The following ARHGEF3 variants were observed in gnomAD, a reference collection of about 807,000 sequenced individuals.
ARHGEF3 encodes Rho guanine nucleotide exchange factor 3, also known as 59.8 kDA protein.
In ARHGEF3, 28 loss-of-function variants were observed where a neutral mutation model predicts 63.2. That is an observed-to-expected ratio of 0.44 (90% CI 0.33 to 0.61). The LOEUF (loss-of-function observed/expected upper bound fraction) is 0.61, where lower values mean the gene tolerates loss of function less well. ARHGEF3 is among the 20% of genes least tolerant of loss of function. The probability of loss-of-function intolerance (pLI) is 0.03; values close to 1 mark genes in which losing one functional copy is unlikely to be tolerated. For synonymous variants in ARHGEF3, 266 were observed against 254.2 expected (o/e 1.05, Z -0.44); for missense variants, 533 against 659.3 (o/e 0.81, Z 2.10).
chr3:57,066,503 T>G (rs1705546489), intron 1 of ARHGEF3, among the ~76,000 whole-genome samples: 1 of 152,216 alleles, frequency 6.6e-6, no homozygotes, highest in South Asian at 2.1e-4. Context: ...CCTCAAGTGA[T>G]CCATCCGCCT....
intron 2 of ARHGEF3, among the ~76,000 whole-genome samples, chr3:56,987,576 T>C (rs1332622687): frequency 6.6e-6 from 1 of 152,156 alleles, no homozygotes; most frequent in Non-Finnish European, 1.5e-5. Flanking sequence ...GGCATGCCCT[T>C]AGCTAAGAGC....
At chr3:56,900,519 A>G (rs1212179983) in intron 3 of ARHGEF3, among the ~76,000 whole-genome samples, 1 of 152,000 alleles carries the variant, frequency 6.6e-6, no homozygotes, top group East Asian at 1.9e-4. Flanking sequence ...AGTCCCAGCT[A>G]CTCTGGAGGC....
intron 2 of ARHGEF3, among the ~76,000 whole-genome samples, chr3:56,761,566 G>A (rs1220546297): frequency 1.3e-5 from 2 of 152,142 alleles, no homozygotes; most frequent in South Asian, 2.1e-4. Context: ...ATTCACTGAT[G>A]GATTCATCAG....
intron 1 of ARHGEF3, among the ~76,000 whole-genome samples, chr3:57,071,684 T>G (rs1005335156): frequency 6.6e-6 from 1 of 150,736 alleles, no homozygotes; most frequent in Non-Finnish European, 1.5e-5. Flanking sequence ...AAATATGCCT[T>G]AGGCATAAGT....
rs77724641 is a variant in ARHGEF3, at chr3:57,073,835, C to G, written c.-28+5391G>C. 220 of 1,614,238 alleles carry G rather than the reference C, an allele frequency of 1.4e-4. 1 individual carries two copies. In the African/African-American group the frequency reaches 2.7e-3, roughly 20 times the overall value. On this transcript the variant is annotated intron_variant, in intron 1 of 12. Transcript: ENST00000338458. The stretch of plus-strand genomic sequence containing the variant: ...CATCCACCCAACATCCCAACAAACC[C>G]CACTGTGCACTGGCATCATGCCAGG...
intron 8 of ARHGEF3, among the ~76,000 whole-genome samples, chr3:56,733,473 AAAAAAAAAAAG>A (rs1339261144): frequency 1.4e-5 from 2 of 143,332 alleles, no homozygotes; most frequent in East Asian, 4.0e-4. Flanking sequence ...AAGACTGTTT[AAAAAAAAAAAG>A]AAAAAAATTC....
At chr3:57,068,189 A>ACC (rs1705677728) in intron 1 of ARHGEF3, among the ~76,000 whole-genome samples, 3 of 150,734 alleles carry the variant, frequency 2.0e-5, no homozygotes, top group Admixed American at 6.6e-5. Flanking sequence ...ACACACACAC[A>ACC]CCAGGTTACC....
chr3:57,044,299 G>A (rs892136669), intron 1 of ARHGEF3, among the ~76,000 whole-genome samples: 1 of 152,226 alleles, frequency 6.6e-6, no homozygotes, highest in African/African-American at 2.4e-5. Flanking sequence ...ACCACCAGCT[G>A]AAGCAATAAA....
At chr3:57,007,457 T>A in intron 2 of ARHGEF3, 6 of 1,010,688 alleles carry the variant, frequency 5.9e-6, no homozygotes, top group Non-Finnish European at 7.9e-6. Flanking sequence ...GTCTTCCAGG[T>A]GAAAACAGGC....
intron 3 of ARHGEF3, among the ~76,000 whole-genome samples, chr3:56,896,707 A>G (rs2041313327): frequency 6.6e-6 from 1 of 152,228 alleles, no homozygotes; most frequent in African/African-American, 2.4e-5. Flanking sequence ...AGGGTTTACT[A>G]GATGTTTTTT....
chr3:56,996,890 A>ATTTTTTTTTT (rs534187681), intron 2 of ARHGEF3, among the ~76,000 whole-genome samples: 1 of 136,506 alleles, frequency 7.3e-6, no homozygotes, highest in African/African-American at 2.7e-5. Flanking sequence ...TATTATTATT[A>ATTTTTTTTTT]TTTTTTTTTT....
intron 7 of ARHGEF3, among the ~76,000 whole-genome samples, chr3:56,740,098 C>A (rs1344984228): frequency 6.6e-6 from 1 of 151,996 alleles, no homozygotes; most frequent in Non-Finnish European, 1.5e-5. Flanking sequence ...CAGGCTTTCT[C>A]CATGTTGGCC....
intron 2 of ARHGEF3, among the ~76,000 whole-genome samples, chr3:57,031,099 T>C (rs968196224): frequency 6.6e-6 from 1 of 152,206 alleles, no homozygotes; most frequent in African/African-American, 2.4e-5. Context: ...CCCTATCTTG[T>C]TACTCCACCC....
chr3:56,775,739 A>G (rs1466479630), intron 1 of ARHGEF3: 2 of 960,876 alleles, frequency 2.1e-6, no homozygotes, highest in Non-Finnish European at 2.5e-6. Flanking sequence ...GGTTTAAAAC[A>G]TTTTTTTACG....
At chr3:56,813,221 C>A (rs902963943) in intron 4 of ARHGEF3, among the ~76,000 whole-genome samples, 5 of 152,208 alleles carry the variant, frequency 3.3e-5, no homozygotes, top group Non-Finnish European at 7.3e-5. Flanking sequence ...AAACACACAA[C>A]AGATAGAACC....
intron 1 of ARHGEF3, among the ~76,000 whole-genome samples, chr3:56,793,656 A>C (rs1396446105): frequency 6.6e-6 from 1 of 152,170 alleles, no homozygotes. Context: ...ATAAAATAGC[A>C]CCTTATTATT....
chr3:56,729,381 G>C lies in ARHGEF3; in HGVS notation c.1470C>G (p.Asp490Glu). The C allele has an allele frequency of 6.2e-7, 1 of 1,614,082 alleles. No individual in the cohort carries two copies. Among genetic ancestry groups the C allele is most frequent in the South Asian group, 1.1e-5 (1 of 91,068 alleles). Residue 490 changes from aspartate to glutamate, a missense_variant, in exon 10 of 10, where the codon GAC (aspartate) becomes GAG (glutamate). Asp to Glu is a conservative substitution (Grantham distance 45). This residue lies in a region of ARHGEF3 where 115 missense variants were observed against 103.4 expected (regional missense o/e 1.11). Coordinates refer to ENST00000296315, the MANE Select transcript of ARHGEF3 (RefSeq NM_019555.3). ...ETKLEQMDQS[D>E]SESDCSMDTS... is the part of the protein sequence containing the mutation. The stretch of plus-strand genomic sequence containing the variant: ...TGTCCATACTACAGTCTGACTCACT[G>C]TCCGATTGGTCCATCTGCTCAAGTT...
chr3:56,790,695 A>G (rs996390480), intron 1 of ARHGEF3, among the ~76,000 whole-genome samples: 1 of 152,242 alleles, frequency 6.6e-6, no homozygotes, highest in Non-Finnish European at 1.5e-5. Context: ...GTATGCCAAC[A>G]TAAGATAGCA....
At chr3:57,013,635 C>A (rs1248979627) in intron 2 of ARHGEF3, among the ~76,000 whole-genome samples, 1 of 151,960 alleles carries the variant, frequency 6.6e-6, no homozygotes, top group Non-Finnish European at 1.5e-5. Context: ...CCAATCAGCA[C>A]CCTGTGTCTA....
Sources: gnomAD v4.1 joint callset for allele counts (sites outside exome capture counted in the v4.1 genomes callset) on GRCh38, gnomAD v4.1.1 for gene constraint, gnomAD v4.1.1 regional missense constraint, MANE v1.5 for transcripts, NCBI Gene and HGNC (gene_info 2026-07-23, HGNC 2026-07-21) for gene names.